FAM186A: variants seen among roughly 807,000 people sequenced by gnomAD.
FAM186A encodes family with sequence similarity 186 member A.
Under a neutral mutation model 216.8 loss-of-function variants are expected in FAM186A, and 163 were observed. The observed-to-expected ratio is 0.75, with a 90% CI of 0.66 to 0.86. FAM186A has a LOEUF of 0.86. Among genes scored for constraint, FAM186A ranks in the 40% least tolerant of loss-of-function variants. The probability of loss-of-function intolerance (pLI) is 0.00; values close to 1 mark genes in which losing one functional copy is unlikely to be tolerated. For missense variants in FAM186A, 2,184 were observed against 2,746.2 expected, an observed-to-expected ratio of 0.80 and a Z score of 4.58; for synonymous variants, 805 against 1,025.3, an observed-to-expected ratio of 0.79 and a Z score of 4.10.
At chr12:50,338,778 T>C (rs1250174706) in intron 4 of FAM186A, among the ~76,000 whole-genome samples, 1 of 152,208 alleles carries the variant, frequency 6.6e-6, no homozygotes, top group East Asian at 1.9e-4. Context: ...GCAAATAGGA[T>C]GACCTTTCTG....
rs760761092 is a variant in FAM186A at position 50,356,085 on chromosome 12, C to G, written c.747G>C (p.Met249Ile). The G allele has an allele frequency of 8.6e-5, 133 of 1,551,464 alleles. No individual in the cohort carries two copies. The highest frequency in any genetic ancestry group is 1.1e-4 in the Non-Finnish European group (130 of 1,146,970). ...TAGCATTGTTTTCCAATGTACTGAA[C>G]ATTGTGGTGCCTATGAGTTCCTGTA... ...GMLQELIGTT[M>I]FSTLENNAIK... Residue 249 changes from methionine (M) to isoleucine (I), a missense_variant, in exon 4 of 8, where the codon ATG (methionine) becomes ATC (isoleucine). This residue lies in a region of FAM186A where 1,132 missense variants were observed against 1,263.4 expected (regional missense o/e 0.90). Coordinates refer to ENST00000327337, the MANE Select transcript of FAM186A (RefSeq NM_001145475.3).
intron 1 of FAM186A, among the ~76,000 whole-genome samples, chr12:50,383,582 T>C (rs1208949004): frequency 6.6e-6 from 1 of 151,604 alleles, no homozygotes; most frequent in Non-Finnish European, 1.5e-5. Context: ...GGCAACAGAG[T>C]GAGACTTTGT....
chr12:50,377,409 T>G (rs1943208148), intron 1 of FAM186A, among the ~76,000 whole-genome samples: 1 of 152,160 alleles, frequency 6.6e-6, no homozygotes, highest in South Asian at 2.1e-4. Flanking sequence ...AAAAATTTAG[T>G]CAAATGAATC....
Position 50,330,601 on chromosome 12 carries a change from G to A in FAM186A, c.7006C>T (p.Arg2336Ter), listed in dbSNP as rs764641446. ...GATTGGAGGGATGCAAGAGATTTTC[G>A]GAAGGTAGACTGCACTTCTAACTGA... The part of the protein sequence containing the change: ...LLQLEVQSTF[R>*]KSLASLQSRV... The change falls in exon 7 of 8, where the codon CGA (arginine) becomes TGA (stop). Residue 2336 changes from arginine (R) to a stop codon, truncating the protein, a stop_gained. Transcript: ENST00000327337. LOFTEE classifies it high-confidence loss of function. The A allele has an allele frequency of 2.4e-5, 37 of 1,550,282 alleles. No homozygotes were observed. Among genetic ancestry groups the A allele is most frequent in the Admixed American group, 5.9e-5 (3 of 50,770 alleles).
chr12:50,335,689 G>C (rs992897425), intron 4 of FAM186A, among the ~76,000 whole-genome samples: 1 of 151,712 alleles, frequency 6.6e-6, no homozygotes, highest in Non-Finnish European at 1.5e-5. Flanking sequence ...ATACAATTAT[G>C]GAAAAGACAG....
intron 1 of FAM186A, among the ~76,000 whole-genome samples, chr12:50,374,422 AC>A (rs1943178452): frequency 1.3e-5 from 2 of 152,140 alleles, no homozygotes; most frequent in African/African-American, 4.8e-5. Context: ...GAAAATAGAA[AC>A]AAACAATATC....
Position 50,374,207 on chromosome 12 carries a change from C to T in FAM186A, c.193-10843G>A, listed in dbSNP as rs1265536237. Reference sequence around the variant, plus strand: ...GGGAGATACACCTAATGCTAGATGACGAGTTAGTGGGTGCAGCGCACCAGC... The same window carrying T: ...GGGAGATACACCTAATGCTAGATGATGAGTTAGTGGGTGCAGCGCACCAGC... On this transcript the variant is annotated intron_variant, in intron 1 of 7. Coordinates refer to ENST00000327337, the MANE Select transcript of FAM186A (RefSeq NM_001145475.3). Among the ~76,000 whole-genome samples, 5 of 150,476 alleles carry T rather than the reference C, an allele frequency of 3.3e-5. No homozygotes were observed. In the East Asian group the frequency reaches 5.9e-4, roughly 18 times the overall value.
intron 1 of FAM186A, among the ~76,000 whole-genome samples, chr12:50,379,265 C>G (rs984057864): frequency 6.6e-6 from 1 of 151,602 alleles, no homozygotes; most frequent in Admixed American, 6.6e-5. Context: ...ATGGTGAAAC[C>G]CCGTCTCTAC....
At chr12:50,374,006 A>G (rs567779154) in intron 1 of FAM186A, among the ~76,000 whole-genome samples, 2 of 152,140 alleles carry the variant, frequency 1.3e-5, no homozygotes, top group Non-Finnish European at 2.9e-5. Flanking sequence ...TTATAAGGAC[A>G]TGGATGAAAT....
intron 1 of FAM186A, among the ~76,000 whole-genome samples, chr12:50,393,817 C>T (rs879795646): frequency 1.3e-5 from 2 of 152,166 alleles, no homozygotes; most frequent in Admixed American, 6.6e-5. Context: ...CTAACTGTAC[C>T]TCAATAAAGC....
chr12:50,367,790 C>T (rs1592622476), intron 1 of FAM186A, among the ~76,000 whole-genome samples: 1 of 152,084 alleles, frequency 6.6e-6, no homozygotes, highest in East Asian at 1.9e-4. Flanking sequence ...TTGCTAACTA[C>T]ACTAACACTG....
At chr12:50,377,648 C>T (rs1444560866) in intron 1 of FAM186A, among the ~76,000 whole-genome samples, 1 of 151,634 alleles carries the variant, frequency 6.6e-6, no homozygotes, top group East Asian at 1.9e-4. Flanking sequence ...GCCTAGCCAA[C>T]ATGGTGAAAC....
chr12:50,351,853 G>T lies in FAM186A; in HGVS notation c.4979C>A (p.Ala1660Asp). Reference sequence around the variant, plus strand: ...GGTTTGCTCAGAGGTAAGAGTGACAGCTGACACCCAGGCATTTACTGGGGT... The same window carrying T: ...GGTTTGCTCAGAGGTAAGAGTGACATCTGACACCCAGGCATTTACTGGGGT... ...PITPVNAWVS[A>D]VTLTSEQTHA... The change falls in exon 4 of 8, where the codon GCT becomes GAT. Residue 1660 changes from alanine (A) to aspartate (D), a missense_variant. This residue lies in a region of FAM186A where 721 missense variants were observed against 816.4 expected (regional missense o/e 0.88). Transcript: ENST00000327337. 2 of 1,544,080 alleles carry T rather than the reference G, an allele frequency of 1.3e-6. No individual in the cohort carries two copies. Among genetic ancestry groups the T allele is most frequent in the East Asian group, 4.9e-5 (2 of 40,880 alleles).
intron 1 of FAM186A, among the ~76,000 whole-genome samples, chr12:50,389,611 G>C (rs550095036): frequency 6.9e-4 from 105 of 152,300 alleles, no homozygotes; most frequent in Non-Finnish European, 1.2e-3. Context: ...GGCCTTCCCA[G>C]ATAAAAGCAA....
At chr12:50,357,516 A>AAAAG (rs1555216836) in intron 3 of FAM186A, among the ~76,000 whole-genome samples, 38 of 142,420 alleles carry the variant, frequency 2.7e-4, no homozygotes, top group South Asian at 2.4e-3. Flanking sequence ...AAAAAAAAAA[A>AAAAG]AAGACACACA....
rs2138756403 is a variant in FAM186A, at chr12:50,330,710, A to C, written c.6897T>G (p.Thr2299=). ...TEAIWNVDLS[T]SSYPIAEKTS... is the part of the protein sequence containing the mutation. Reference sequence around the variant, plus strand: ...TCTTCTCTGCTATTGGGTAGCTTGAAGTGGACAGATCAACATTCCAGATGG... The same window carrying C: ...TCTTCTCTGCTATTGGGTAGCTTGACGTGGACAGATCAACATTCCAGATGG... The change falls in exon 7 of 8, where the codon ACT becomes ACG. Residue 2299 remains threonine, a synonymous_variant. Transcript: ENST00000327337. 3 of 1,542,270 alleles carry C rather than the reference A, an allele frequency of 1.9e-6. No individual in the cohort carries two copies. In the East Asian group the frequency reaches 7.4e-5, roughly 38 times the overall value.
chr12:50,385,752 C>G (rs1298420631), intron 1 of FAM186A, among the ~76,000 whole-genome samples: 1 of 150,904 alleles, frequency 6.6e-6, no homozygotes, highest in Non-Finnish European at 1.5e-5. Context: ...AATAGAAAAA[C>G]TTAGCCAGGC....
chr12:50,378,594 T>TATATATACACATAC (rs1555218536), intron 1 of FAM186A, among the ~76,000 whole-genome samples: 112 of 38,646 alleles, frequency 2.9e-3, no homozygotes, highest in African/African-American at 9.8e-3. Flanking sequence ...AAATTGTATA[T>TATATATACACATAC]ATATATATAC....
At chr12:50,340,896 A>G (rs1942756786) in intron 4 of FAM186A, among the ~76,000 whole-genome samples, 1 of 151,746 alleles carries the variant, frequency 6.6e-6, no homozygotes, top group Admixed American at 6.6e-5. Context: ...TCCCGAGTTC[A>G]AGCGATTATC....
Sources: gnomAD v4.1 joint callset for allele counts (sites outside exome capture counted in the v4.1 genomes callset) on GRCh38, gnomAD v4.1.1 for gene constraint, gnomAD v4.1.1 regional missense constraint, MANE v1.5 for transcripts, NCBI Gene and HGNC (gene_info 2026-07-23, HGNC 2026-07-21) for gene names.